Variants in HS6ST2 observed in about 807,000 individuals in gnomAD.
The protein encoded by HS6ST2 is heparan-sulfate 6-O-sulfotransferase 2.
In HS6ST2, 17 loss-of-function variants were observed where a neutral mutation model predicts 33.0. The ratio of observed to expected loss-of-function variants is 0.52; its 90% CI spans 0.35 to 0.77. The LOEUF (loss-of-function observed/expected upper bound fraction) is 0.77, where lower values mean the gene tolerates loss of function less well. Ranked by LOEUF, HS6ST2 falls within the 30% of genes least tolerant of loss-of-function variation. The pLI is 0.01. For synonymous variants in HS6ST2, 248 were observed against 237.1 expected, an observed-to-expected ratio of 1.05 and a Z score of -0.42; for missense variants, 519 against 551.7, an observed-to-expected ratio of 0.94 and a Z score of 0.59.
intron 2 of HS6ST2, among the ~76,000 whole-genome samples, chrX:132,946,022 T>G (rs1010571435): frequency 9.0e-6 from 1 of 111,648 alleles, no homozygotes; most frequent in Non-Finnish European, 1.9e-5. Flanking sequence ...AATGAAAAAA[T>G]GCTCATCGTC....
At chrX:132,714,948 G>C (rs1327248113) in intron 2 of HS6ST2, among the ~76,000 whole-genome samples, 2 of 111,638 alleles carry the variant, frequency 1.8e-5, no homozygotes, top group Non-Finnish European at 3.8e-5. Context: ...GGCTTAGTGT[G>C]GTCACTCTCT....
rs1398080514 is a variant in HS6ST2, at chrX:132,811,718, A to ATATC, written c.948-103225_948-103224insGATA. ...TATATATATATATATATATATATAT[A>ATATC]TATATATCACATTTTGTTTGTACAG... On this transcript the variant is annotated intron_variant, in intron 2 of 4. Coordinates refer to ENST00000370833, the MANE Select transcript of HS6ST2 (RefSeq NM_001394073.1). Among the ~76,000 whole-genome samples the ATATC allele has an allele frequency of 4.3e-5, 4 of 92,100 alleles. No homozygotes were observed. The East Asian group carries it at 1.4e-3, about 33-fold the overall frequency. 80.0% of individuals were successfully genotyped at this position (92,100 alleles called of 115,157 possible).
rs111275378 is a variant in HS6ST2, at chrX:132,662,811, T to C, written c.1067+6302A>G. On this transcript the variant is annotated intron_variant, in intron 4 of 4. Transcript: ENST00000370833. The stretch of plus-strand genomic sequence containing the variant: ...CTTGTAGCATCTAATCTATGGGCAC[T>C]GTTTATGTTATGTTATTATGTTATA... 5.4e-3 allele frequency among the ~76,000 whole-genome samples: 609 copies of C among 112,274 alleles called. 8 individuals are homozygous for C. The highest frequency in any genetic ancestry group is 0.018 in the Middle Eastern group (4 of 217).
chrX:132,786,006 C>A (rs1293503491), intron 2 of HS6ST2, among the ~76,000 whole-genome samples: 3 of 111,329 alleles, frequency 2.7e-5, no homozygotes, highest in Non-Finnish European at 5.6e-5. Context: ...AGCTGTGTGA[C>A]CCCATAGGCA....
chrX:132,925,535 G>T (rs1446386222), intron 2 of HS6ST2, among the ~76,000 whole-genome samples: 2 of 111,511 alleles, frequency 1.8e-5, no homozygotes, highest in Non-Finnish European at 1.9e-5. Context: ...GAACTGAATT[G>T]AATTGTAAGA....
intron 2 of HS6ST2, among the ~76,000 whole-genome samples, chrX:132,824,741 C>A (rs1412509932): frequency 8.9e-6 from 1 of 112,531 alleles, no homozygotes; most frequent in East Asian, 2.8e-4. Flanking sequence ...CTTTAAAAGT[C>A]ATTGCTTTTC....
intron 2 of HS6ST2, among the ~76,000 whole-genome samples, chrX:132,839,034 T>C (rs1412579507): frequency 3.1e-5 from 3 of 97,258 alleles, no homozygotes; most frequent in Non-Finnish European, 4.0e-5. Context: ...TTGGTGGGAA[T>C]GCAAGTTAGT....
In HS6ST2 at chrX:132,738,608, A is replaced by G. The variant is rs144717456; in HGVS notation, c.948-30114T>C. On this transcript the variant is annotated intron_variant, in intron 2 of 4. Transcript: ENST00000370833. ...ATTGTAGAGCAAATAACTATCTTAT[A>G]CTGGCTATTTTATGCCTTATTGAAC... 2.3e-3 allele frequency among the ~76,000 whole-genome samples: 263 copies of G among 112,797 alleles called. 3 individuals carry two copies. Among genetic ancestry groups the G allele is most frequent in the African/African-American group, 8.1e-3 (251 of 31,092 alleles).
In HS6ST2 at chrX:132,705,599, G is replaced by A. The variant is rs747080321; in HGVS notation, c.980+2863C>T. The stretch of plus-strand genomic sequence containing the variant: ...TACTATGTGACAGGAACAGTGCTAA[G>A]CACTTGATATGCACGATCTCATTTT... On this transcript the variant is annotated intron_variant, in intron 3 of 4. Transcript: ENST00000370833. Among the ~76,000 whole-genome samples, 4 of 112,059 alleles carry A rather than the reference G, an allele frequency of 3.6e-5. No homozygotes were observed. In the East Asian group the frequency reaches 1.1e-3, roughly 32 times the overall value.
chrX:132,794,574 G>GATGATGATGATGATGATTATT (rs916088563), intron 2 of HS6ST2, among the ~76,000 whole-genome samples: 73 of 99,066 alleles, frequency 7.4e-4, no homozygotes, highest in African/African-American at 2.6e-3. Flanking sequence ...TGATGATGAT[G>GATGATGATGATGATGATTATT]ATTATTATTA....
intron 2 of HS6ST2, among the ~76,000 whole-genome samples, chrX:132,903,730 T>A (rs1174505187): frequency 8.9e-6 from 1 of 112,258 alleles, no homozygotes; most frequent in African/African-American, 3.2e-5. Flanking sequence ...TTGTGACCAT[T>A]ATTTTGCAGC....
intron 3 of HS6ST2, among the ~76,000 whole-genome samples, chrX:132,685,215 A>G: frequency 8.9e-6 from 1 of 112,013 alleles, no homozygotes; most frequent in Non-Finnish European, 1.9e-5. Context: ...TAAATATACT[A>G]AGGTGATTTT....
chrX:132,853,912 A>C (rs1433814901), intron 2 of HS6ST2, among the ~76,000 whole-genome samples: 1 of 110,322 alleles, frequency 9.1e-6, no homozygotes, highest in Non-Finnish European at 1.9e-5. Flanking sequence ...AGTCGAAACT[A>C]CTCGGGAGGC....
chrX:132,839,272 GTATATATA>G (rs748319681), intron 2 of HS6ST2, among the ~76,000 whole-genome samples: 115 of 62,783 alleles, frequency 1.8e-3, no homozygotes, highest in Middle Eastern at 8.8e-3. Flanking sequence ...TGTAGTGTGT[GTATATATA>G]TATATATATA....
At chrX:132,878,925 A>G (rs1453050894) in intron 2 of HS6ST2, among the ~76,000 whole-genome samples, 1 of 111,264 alleles carries the variant, frequency 9.0e-6, no homozygotes, top group East Asian at 2.8e-4. Context: ...ATGCCTGGGA[A>G]AGCAATATTT....
At chrX:132,959,142 AG>A (rs2148512075), upstream of HS6ST2, among the ~76,000 whole-genome samples, 1 of 111,799 alleles carries the variant, frequency 8.9e-6, no homozygotes, top group South Asian at 3.8e-4. Flanking sequence ...AAGGTCACAC[AG>A]CAGAGCCCCA....
chrX:132,870,115 C>A (rs1317853596), intron 2 of HS6ST2, among the ~76,000 whole-genome samples: 1 of 110,557 alleles, frequency 9.0e-6, no homozygotes, highest in East Asian at 2.8e-4. Flanking sequence ...CATTCCTATA[C>A]ACCAATAATA....
intron 2 of HS6ST2, among the ~76,000 whole-genome samples, chrX:132,858,506 T>C (rs2065876219): frequency 1.8e-5 from 2 of 111,964 alleles, no homozygotes; most frequent in Admixed American, 9.5e-5. Context: ...CTGATCCTCA[T>C]TGAAAAGTAG....
chrX:132,958,110 C>T lies in HS6ST2; in HGVS notation c.428+65G>A, dbSNP rs1440432272. 2.9e-6 allele frequency: 3 copies of T among 1,030,283 alleles called. No individual in the cohort carries two copies. In the African/African-American group the frequency reaches 5.8e-5, roughly 20 times the overall value. 84.9% of individuals were successfully genotyped at this position (1,030,283 alleles called of 1,213,427 possible). A position where few individuals can be genotyped will look rare whatever the true frequency, so the allele number is the denominator to read the frequency against. Reference sequence around the variant, plus strand: ...TCTCTACCCCCCGCGGCTGCCTTCCCTCCCCGTACAGCACCTTCGCGCCCT... The same window carrying T: ...TCTCTACCCCCCGCGGCTGCCTTCCTTCCCCGTACAGCACCTTCGCGCCCT... On this transcript the variant is annotated intron_variant, in intron 1 of 4. Transcript: ENST00000370833.
Sources: allele counts gnomAD v4.1 joint callset (sites outside exome capture counted in the v4.1 genomes callset), GRCh38; gene constraint gnomAD v4.1.1; transcripts MANE v1.5; gene names NCBI Gene and HGNC (gene_info 2026-07-23, HGNC 2026-07-21).